CCDC148: variants seen among roughly 807,000 people sequenced by gnomAD.
The protein encoded by CCDC148 is coiled-coil domain-containing protein 148.
Under a neutral mutation model 85.7 loss-of-function variants are expected in CCDC148, and 89 were observed. That is an observed-to-expected ratio of 1.04 (90% CI 0.87 to 1.24). CCDC148 has a LOEUF of 1.24. CCDC148 is among the 50% of genes most tolerant of loss of function. The pLI, the probability that CCDC148 is intolerant of heterozygous loss-of-function variation, is 0.00. For missense variants in CCDC148, 692 were observed against 671.7 expected (o/e 1.03, Z -0.33); for synonymous variants, 230 against 213.9 (o/e 1.08, Z -0.66).
chr2:158,357,307 G>A (rs1375227168), intron 2 of CCDC148, among the ~76,000 whole-genome samples: 2 of 151,770 alleles, frequency 1.3e-5, no homozygotes, highest in South Asian at 2.1e-4. Flanking sequence ...AAAGGTAAGG[G>A]CTATATTTTG....
At chr2:158,325,732 C>G (rs986646261) in intron 7 of CCDC148, among the ~76,000 whole-genome samples, 7 of 152,284 alleles carry the variant, frequency 4.6e-5, no homozygotes, top group African/African-American at 1.7e-4. Flanking sequence ...TGTTCCCCAT[C>G]TAAGTTGATG....
intron 7 of CCDC148, among the ~76,000 whole-genome samples, chr2:158,324,901 G>A (rs1054044255): frequency 1.3e-5 from 2 of 151,790 alleles, no homozygotes; most frequent in Non-Finnish European, 2.9e-5. Flanking sequence ...CATATACTCT[G>A]CAACCTCACC....
intron 9 of CCDC148, among the ~76,000 whole-genome samples, chr2:158,278,690 T>C (rs1397693709): frequency 6.6e-6 from 1 of 152,262 alleles, no homozygotes; most frequent in Non-Finnish European, 1.5e-5. Flanking sequence ...GCTCCGCCTC[T>C]GGGGGCAGGG....
intron 11 of CCDC148, among the ~76,000 whole-genome samples, chr2:158,193,718 A>G (rs1452287315): frequency 6.6e-6 from 1 of 152,136 alleles, no homozygotes; most frequent in Non-Finnish European, 1.5e-5. Flanking sequence ...AGAACATTGG[A>G]GTATATAAGG....
chr2:158,240,718 T>A (rs1297460565), intron 10 of CCDC148, among the ~76,000 whole-genome samples: 1 of 151,982 alleles, frequency 6.6e-6, no homozygotes, highest in Non-Finnish European at 1.5e-5. Flanking sequence ...TCGATGGAGA[T>A]GAAAGGCATT....
chr2:158,252,227 T>C (rs1688823049), intron 9 of CCDC148, among the ~76,000 whole-genome samples: 1 of 151,818 alleles, frequency 6.6e-6, no homozygotes, highest in African/African-American at 2.4e-5. Flanking sequence ...CTAAAGTTCA[T>C]TTTTGCAAAA....
At chr2:158,172,314 T>A in intron 13 of CCDC148, 55 bp from the exon 14 acceptor site, 1 of 1,332,560 alleles carries the variant, frequency 7.5e-7, no homozygotes, top group African/African-American at 1.5e-5. Flanking sequence ...AAATAACTTT[T>A]AACATTTAGT....
chr2:158,307,250 A>G (rs1209947685), intron 9 of CCDC148, among the ~76,000 whole-genome samples: 1 of 150,710 alleles, frequency 6.6e-6, no homozygotes, highest in South Asian at 2.1e-4. Flanking sequence ...AACCCAATAG[A>G]AAAATAGGCA....
chr2:158,411,713 T>G (rs967553019), intron 1 of CCDC148, among the ~76,000 whole-genome samples: 1 of 152,136 alleles, frequency 6.6e-6, no homozygotes. Flanking sequence ...TACTAAAAAT[T>G]TATTGTCTTC....
intron 7 of CCDC148, among the ~76,000 whole-genome samples, chr2:158,326,719 A>G (rs953506222): frequency 1.3e-5 from 2 of 152,148 alleles, no homozygotes; most frequent in Admixed American, 6.6e-5. Flanking sequence ...AATAGAAACA[A>G]TACTCATATG....
rs1259789461 is a variant in CCDC148 at position 158,340,413 on chromosome 2, A to T, written c.335-20T>A. 1 of 1,610,468 alleles carries T rather than the reference A, an allele frequency of 6.2e-7. No homozygotes were observed. Among genetic ancestry groups the T allele is most frequent in the Non-Finnish European group, 8.5e-7 (1 of 1,177,898 alleles). On this transcript the variant is annotated intron_variant, in intron 4 of 13. Transcript: ENST00000283233. ...CTTGCTCTATGGTGAAACAAAATTG[A>T]ATTAAAGGAACACATTATTATTTTA...
intron 1 of CCDC148, among the ~76,000 whole-genome samples, chr2:158,398,866 G>C (rs572802626): frequency 3.3e-5 from 5 of 151,970 alleles, no homozygotes; most frequent in Non-Finnish European, 4.4e-5. Flanking sequence ...CAACAAAATA[G>C]ATAGACCACT....
chr2:158,280,884 T>A (rs1021190917), intron 9 of CCDC148, among the ~76,000 whole-genome samples: 1 of 151,918 alleles, frequency 6.6e-6, no homozygotes, highest in Non-Finnish European at 1.5e-5. Context: ...GAAGTAAAGC[T>A]CTCCTCAGCA....
intron 1 of CCDC148, among the ~76,000 whole-genome samples, chr2:158,447,766 C>T (rs1213186700): frequency 6.6e-6 from 1 of 152,034 alleles, no homozygotes; most frequent in Non-Finnish European, 1.5e-5. Context: ...TCACATTTAG[C>T]ATGCTTTATA....
Position 158,178,683 on chromosome 2 carries a change from C to G in CCDC148, c.1488+196G>C, listed in dbSNP as rs367568842. Among the ~76,000 whole-genome samples, 4 of 152,070 alleles carry G rather than the reference C, an allele frequency of 2.6e-5. No individual in the cohort carries two copies. The East Asian group carries it at 7.7e-4, about 29-fold the overall frequency. On this transcript the variant is annotated intron_variant, in intron 12 of 13. Coordinates refer to ENST00000283233, the MANE Select transcript of CCDC148 (RefSeq NM_138803.4). ...TTAAAAGGTGATGATAAAGTTCTTTCAATACACTGAGAAACTGGAAATGGT... is the reference window on the plus strand; with the variant it reads ...TTAAAAGGTGATGATAAAGTTCTTTGAATACACTGAGAAACTGGAAATGGT...
At chr2:158,213,669 T>C (rs1307679594) in intron 11 of CCDC148, among the ~76,000 whole-genome samples, 1 of 152,310 alleles carries the variant, frequency 6.6e-6, no homozygotes, top group African/African-American at 2.4e-5. Context: ...GCTAAAGATA[T>C]ACAACAAATG....
At chr2:158,302,404 T>C (rs1488942327) in intron 9 of CCDC148, among the ~76,000 whole-genome samples, 1 of 152,058 alleles carries the variant, frequency 6.6e-6, no homozygotes, top group Non-Finnish European at 1.5e-5. Context: ...TGAAAGCCTC[T>C]CATGTGGCAT....
intron 13 of CCDC148, among the ~76,000 whole-genome samples, chr2:158,173,390 T>G (rs1488398462): frequency 6.6e-6 from 1 of 152,050 alleles, no homozygotes; most frequent in Non-Finnish European, 1.5e-5. Flanking sequence ...AAGGAGCTAC[T>G]AGGGTATGTT....
intron 10 of CCDC148, among the ~76,000 whole-genome samples, chr2:158,232,819 A>G (rs979919628): frequency 6.6e-6 from 1 of 152,064 alleles, no homozygotes; most frequent in African/African-American, 2.4e-5. Context: ...CTTGCATCCT[A>G]TTTTTAAGGT....
Sources: allele counts gnomAD v4.1 joint callset (sites outside exome capture counted in the v4.1 genomes callset), GRCh38; gene constraint gnomAD v4.1.1; transcripts MANE v1.5; gene names NCBI Gene and HGNC (gene_info 2026-07-23, HGNC 2026-07-21).